ZNF541: variants seen among roughly 807,000 people sequenced by gnomAD.
The protein encoded by ZNF541 is zinc finger protein 541.
Under a neutral mutation model 123.5 loss-of-function variants are expected in ZNF541, and 23 were observed. The ratio of observed to expected loss-of-function variants is 0.19; its 90% CI spans 0.13 to 0.26. The LOEUF (loss-of-function observed/expected upper bound fraction) is 0.26, where lower values mean the gene tolerates loss of function less well. ZNF541 is among the 10% of genes least tolerant of loss of function. ZNF541 has a pLI of 1.00. For synonymous variants in ZNF541, 751 were observed against 754.5 expected (o/e 1.00, Z 0.08); for missense variants, 1,612 against 1,789.9 (o/e 0.90, Z 1.79).
chr19:47,548,236 A>G (rs1453983245), intron 4 of ZNF541, among the ~76,000 whole-genome samples: 1 of 151,638 alleles, frequency 6.6e-6, no homozygotes, highest in African/African-American at 2.4e-5. Flanking sequence ...CAAGGTCAGG[A>G]GTTTGAGACC....
chr19:47,547,499 C>T (rs1970405485), intron 4 of ZNF541, among the ~76,000 whole-genome samples: 1 of 152,138 alleles, frequency 6.6e-6, no homozygotes, highest in African/African-American at 2.4e-5. Flanking sequence ...TAAAGTCTTT[C>T]CCCAAAGGCT....
Position 47,544,745 on chromosome 19 carries a change from C to A in ZNF541, c.1784G>T (p.Gly595Val). ...TGGTGGGGGCTGCTGCGGCCACGGC[C>A]CCTGCAGCGGCCTCAGGGCGGCTGG... ...GKPAALRPLQ[G>V]PWPQQPPPLA... Residue 595 changes from glycine to valine, a missense_variant, in exon 5 of 17, where the codon GGG becomes GTG. By Grantham distance (109) the Gly-to-Val change is moderately radical (BLOSUM62 -3). This residue lies in a region of ZNF541 where 1,080 missense variants were observed against 1,013.8 expected (regional missense o/e 1.07). Transcript: ENST00000391901. The A allele has an allele frequency of 6.7e-7, 1 of 1,500,642 alleles. No homozygotes were observed. The highest frequency in any genetic ancestry group is 8.9e-7 in the Non-Finnish European group (1 of 1,127,338). The allele number at this position is 1,500,642 out of a possible 1,614,324, so 93.0% of individuals were successfully genotyped here.
Position 47,528,816 on chromosome 19 carries a change from T to C in ZNF541, c.3570+134A>G, listed in dbSNP as rs568704728. On this transcript the variant is annotated intron_variant, in intron 14 of 16. Coordinates refer to ENST00000391901, the MANE Select transcript of ZNF541 (RefSeq NM_001277075.3). ...TCATGAGGATAGCTTTTTGACATTGTAAACTGTCTACAGTAAGAGTGCTGC... is the reference window on the plus strand; with the variant it reads ...TCATGAGGATAGCTTTTTGACATTGCAAACTGTCTACAGTAAGAGTGCTGC... The C allele has an allele frequency of 7.3e-5, 48 of 653,522 alleles. No homozygotes were observed. In the African/African-American group the frequency reaches 8.0e-4, roughly 11 times the overall value. The allele number at this position is 653,522 out of a possible 1,614,324, so 40.5% of individuals were successfully genotyped here. A position where few individuals can be genotyped will look rare whatever the true frequency, so the allele number is the denominator to read the frequency against.
intron 12 of ZNF541, among the ~76,000 whole-genome samples, chr19:47,531,086 C>A (rs1969545089): frequency 6.6e-6 from 1 of 152,094 alleles, no homozygotes; most frequent in Non-Finnish European, 1.5e-5. Flanking sequence ...TGAGGACCTG[C>A]TATATGCCAG....
intron 10 of ZNF541, among the ~76,000 whole-genome samples, chr19:47,532,493 T>G (rs1400517587): frequency 1.3e-5 from 2 of 152,118 alleles, no homozygotes; most frequent in Non-Finnish European, 2.9e-5. Flanking sequence ...TTTCCTTCAT[T>G]GCCACATTTC....
At position 47,544,615 on chromosome 19, in the gene ZNF541, G is replaced by C; in HGVS notation, c.1914C>G (p.Ala638=). ...RKTTPGVPRE[A]SPGSTRRDAK... ...CGTCTCGTCTCGTGCTGCCGGGGGA[G>C]GCCTCTCTGGGAACCCCGGGTGTGG... The change falls in exon 5 of 17, where the codon GCC becomes GCG. Residue 638 remains alanine, a synonymous_variant. Transcript: ENST00000391901. The C allele has an allele frequency of 1.9e-6, 3 of 1,550,904 alleles. No homozygotes were observed. In the South Asian group the frequency reaches 3.6e-5, roughly 18 times the overall value.
chr19:47,548,347 G>A (rs1970447813), intron 4 of ZNF541, among the ~76,000 whole-genome samples: 1 of 148,452 alleles, frequency 6.7e-6, no homozygotes, highest in East Asian at 2.0e-4. Flanking sequence ...GGAGGCTGAG[G>A]CAGGAGAATC....
intron 9 of ZNF541, among the ~76,000 whole-genome samples, chr19:47,533,709 G>A (rs1010011361): frequency 2.0e-5 from 3 of 152,126 alleles, no homozygotes; most frequent in East Asian, 1.9e-4. Context: ...TGGGCGTGGT[G>A]GAATGTGCCT....
intron 9 of ZNF541, among the ~76,000 whole-genome samples, chr19:47,536,584 T>A (rs71363744): frequency 6.6e-6 from 1 of 151,844 alleles, no homozygotes; most frequent in Admixed American, 6.6e-5. Flanking sequence ...AAGACCCCCC[T>A]CCCTACATAA....
intron 2 of ZNF541, among the ~76,000 whole-genome samples, chr19:47,556,992 A>G (rs1970850636): frequency 6.6e-6 from 1 of 152,110 alleles, no homozygotes; most frequent in Non-Finnish European, 1.5e-5. Flanking sequence ...TCCTGACCTC[A>G]GATGATCCAC....
At position 47,532,230 on chromosome 19, in the gene ZNF541, C is replaced by G. The variant is rs1170338744; in HGVS notation, c.3199G>C (p.Glu1067Gln). The change falls in exon 11 of 17, where the codon GAA becomes CAA. Residue 1067 changes from glutamate (E) to glutamine (Q), a missense_variant. Coordinates refer to ENST00000391901, the MANE Select transcript of ZNF541 (RefSeq NM_001277075.3). ...CCAGCCAGGGATCTCTCCTGGAGTT[C>G]CGGGATCTCTGCCTGAAACCGGCTT... ...IGSRFQAEIP[E>Q]LQERSLAGTD... 1.0e-5 allele frequency: 16 copies of G among 1,551,818 alleles called. No individual in the cohort carries two copies. The highest frequency in any genetic ancestry group is 2.0e-5 in the Admixed American group (1 of 50,972).
At chr19:47,567,506 C>G (rs1971312110) in intron 2 of ZNF541, among the ~76,000 whole-genome samples, 2 of 152,222 alleles carry the variant, frequency 1.3e-5, no homozygotes, top group South Asian at 4.1e-4. Flanking sequence ...ATGATCCGCC[C>G]TCCTCGGCTT....
intron 14 of ZNF541, among the ~76,000 whole-genome samples, chr19:47,526,370 T>C (rs1969294898): frequency 6.6e-6 from 1 of 150,476 alleles, no homozygotes; most frequent in East Asian, 2.0e-4. Flanking sequence ...TAATCCCAGC[T>C]ACTCAGGAAG....
intron 10 of ZNF541, 140 bp downstream of exon 10, chr19:47,532,769 G>GA: frequency 1.7e-6 from 1 of 594,196 alleles, no homozygotes; most frequent in South Asian, 3.0e-5. Context: ...CATATATTTG[G>GA]AAAAATCTAC....
intron 2 of ZNF541, among the ~76,000 whole-genome samples, chr19:47,558,294 T>C (rs1331348080): frequency 6.6e-6 from 1 of 151,732 alleles, no homozygotes; most frequent in Non-Finnish European, 1.5e-5. Context: ...TGGGCGCCTG[T>C]AGTCCCAGCT....
At chr19:47,535,929 A>C (rs1234700030) in intron 9 of ZNF541, among the ~76,000 whole-genome samples, 2 of 152,308 alleles carry the variant, frequency 1.3e-5, no homozygotes, top group African/African-American at 4.8e-5. Context: ...TTTCAGAGCT[A>C]AGAGCCCTGA....
In ZNF541 at chr19:47,532,226, A is replaced by C. The variant is rs1478447163; in HGVS notation, c.3203T>G (p.Leu1068Arg). 6.4e-7 allele frequency: 1 copy of C among 1,551,904 alleles called. No individual in the cohort carries two copies. Among genetic ancestry groups the C allele is most frequent in the South Asian group, 1.2e-5 (1 of 84,060 alleles). Residue 1068 changes from leucine (L) to arginine (R), a missense_variant, in exon 11 of 17, where the codon CTC becomes CGC. By Grantham distance (102) the Leu-to-Arg change is moderately radical. Transcript: ENST00000391901. ...GSRFQAEIPE[L>R]QERSLAGTDE... ...AGTTCCAGCCAGGGATCTCTCCTGG[A>C]GTTCCGGGATCTCTGCCTGAAACCG...
intron 2 of ZNF541, among the ~76,000 whole-genome samples, chr19:47,562,863 G>A (rs1283919493): frequency 6.6e-6 from 1 of 152,122 alleles, no homozygotes; most frequent in Non-Finnish European, 1.5e-5. Flanking sequence ...ACCACATTTT[G>A]TTTAACCACT....
At chr19:47,539,119 T>C (rs1307056487) in intron 8 of ZNF541, among the ~76,000 whole-genome samples, 2 of 152,024 alleles carry the variant, frequency 1.3e-5, no homozygotes, top group African/African-American at 4.8e-5. Flanking sequence ...GTTGTCACTG[T>C]CTGGGGACAG....
Sources: gnomAD v4.1 joint callset for allele counts (sites outside exome capture counted in the v4.1 genomes callset) on GRCh38, gnomAD v4.1.1 for gene constraint, gnomAD v4.1.1 regional missense constraint, MANE v1.5 for transcripts, NCBI Gene and HGNC (gene_info 2026-07-23, HGNC 2026-07-21) for gene names.